The following PRMT8 variants were observed in gnomAD, a reference collection of about 807,000 sequenced individuals.
PRMT8 encodes protein arginine methyltransferase 8.
In PRMT8, 7 loss-of-function variants were observed where a neutral mutation model predicts 47.1. That is an observed-to-expected ratio of 0.15 (90% CI 0.08 to 0.28). The LOEUF (loss-of-function observed/expected upper bound fraction) is 0.28, where lower values mean the gene tolerates loss of function less well. Among genes scored for constraint, PRMT8 ranks in the 10% least tolerant of loss-of-function variants. The probability of loss-of-function intolerance (pLI) is 1.00; values close to 1 mark genes in which losing one functional copy is unlikely to be tolerated. For synonymous variants in PRMT8, 188 were observed against 186.5 expected, an observed-to-expected ratio of 1.01 and a Z score of -0.07; for missense variants, 237 against 505.4, an observed-to-expected ratio of 0.47 and a Z score of 5.09.
At chr12:3,455,981 G>A (rs554533223) in intron 1 of PRMT8, among the ~76,000 whole-genome samples, 2 of 152,156 alleles carry the variant, frequency 1.3e-5, no homozygotes, top group East Asian at 1.9e-4. Flanking sequence ...TTTGCTAGCT[G>A]TGTGACATAG....
At chr12:3,419,565 G>A (rs1203311951) in intron 1 of PRMT8, among the ~76,000 whole-genome samples, 1 of 151,966 alleles carries the variant, frequency 6.6e-6, no homozygotes, top group African/African-American at 2.4e-5. Flanking sequence ...CCTTGCCTAA[G>A]CAATCACCAA....
At chr12:3,389,676 C>T (rs1864173419) in intron 1 of PRMT8, among the ~76,000 whole-genome samples, 1 of 152,230 alleles carries the variant, frequency 6.6e-6, no homozygotes, top group South Asian at 2.1e-4. Context: ...CAACACTCAT[C>T]TACTGCCCTG....
rs567226942 is a variant in PRMT8, at chr12:3,562,732, G to A, written c.482-5974G>A. 7.2e-5 allele frequency among the ~76,000 whole-genome samples: 11 copies of A among 152,216 alleles called. No homozygotes were observed. The South Asian group carries it at 1.7e-3, about 23-fold the overall frequency. On this transcript the variant is annotated intron_variant, in intron 4 of 9. Transcript: ENST00000382622. The stretch of plus-strand genomic sequence containing the variant: ...CGGACATTGGCGGATGCTACAAACC[G>A]GAGCTGTTTTGTTTTCCCTTCTGGA...
At chr12:3,402,093 A>G (rs969537626) in intron 1 of PRMT8, among the ~76,000 whole-genome samples, 1 of 152,114 alleles carries the variant, frequency 6.6e-6, no homozygotes, top group African/African-American at 2.4e-5. Context: ...CTACACAGCT[A>G]CAGTAATTAA....
In PRMT8 at chr12:3,580,627, C is replaced by T. The variant is rs1304311240; in HGVS notation, c.829-2431C>T. 2.0e-5 allele frequency among the ~76,000 whole-genome samples: 3 copies of T among 152,090 alleles called. No homozygotes were observed. The highest frequency in any genetic ancestry group is 7.2e-5 in the African/African-American group (3 of 41,414). On this transcript the variant is annotated intron_variant, in intron 7 of 9. Coordinates refer to ENST00000382622, the MANE Select transcript of PRMT8 (RefSeq NM_019854.5). The surrounding 1 kb of genome is among the most constrained non-coding windows in gnomAD (Gnocchi z 4.6). The stretch of plus-strand genomic sequence containing the variant: ...CAGGACAATGAGGTGTAACTTCTGC[C>T]ACTGAAGGCTTCAGTGTATCGGCCA...
intron 4 of PRMT8, among the ~76,000 whole-genome samples, chr12:3,567,191 G>A (rs886369752): frequency 2.6e-5 from 4 of 152,176 alleles, no homozygotes; most frequent in African/African-American, 9.7e-5. Flanking sequence ...TTAGCTATGG[G>A]CCTGGCACTC....
At chr12:3,542,416 C>T (rs375542089) in intron 2 of PRMT8, among the ~76,000 whole-genome samples, 66 of 152,302 alleles carry the variant, frequency 4.3e-4, no homozygotes, top group African/African-American at 1.6e-3. Flanking sequence ...GCTAGGGATT[C>T]CTGGAGCCCC....
At chr12:3,507,429 G>A (rs1865647827) in intron 1 of PRMT8, among the ~76,000 whole-genome samples, 1 of 152,118 alleles carries the variant, frequency 6.6e-6, no homozygotes, top group African/African-American at 2.4e-5. Context: ...CCAAGTGGTG[G>A]CCTTTCAAGC....
intron 1 of PRMT8, among the ~76,000 whole-genome samples, chr12:3,494,004 A>T (rs1463732948): frequency 6.6e-6 from 1 of 152,236 alleles, no homozygotes; most frequent in Non-Finnish European, 1.5e-5. Flanking sequence ...TCCCTCCAGG[A>T]ACTGGCTGTT....
intron 8 of PRMT8, 28 bp from the exon 9 acceptor site, chr12:3,592,203 C>T (rs1867320671): frequency 9.1e-6 from 14 of 1,539,464 alleles, no homozygotes; most frequent in Non-Finnish European, 1.2e-5. Flanking sequence ...CTCTTTCTTC[C>T]CACCTCCCCT....
chr12:3,542,830 TG>T (rs1866254983), intron 2 of PRMT8, among the ~76,000 whole-genome samples: 1 of 152,232 alleles, frequency 6.6e-6, no homozygotes, highest in South Asian at 2.1e-4. Flanking sequence ...CTTTGGGACT[TG>T]GTGTCCCCAG....
intron 1 of PRMT8, among the ~76,000 whole-genome samples, chr12:3,515,316 A>G (rs1865773805): frequency 6.6e-6 from 1 of 152,176 alleles, no homozygotes; most frequent in African/African-American, 2.4e-5. Flanking sequence ...CCACCTGCTC[A>G]CTGGTGTGGT....
chr12:3,491,954 ACT>A (rs1232387183), intron 1 of PRMT8, among the ~76,000 whole-genome samples: 1 of 140,104 alleles, frequency 7.1e-6, no homozygotes, highest in South Asian at 2.3e-4. Flanking sequence ...CAAAACAGTC[ACT>A]CTCACCCCAT....
chr12:3,470,387 T>C (rs1267065780), intron 1 of PRMT8, among the ~76,000 whole-genome samples: 1 of 152,068 alleles, frequency 6.6e-6, no homozygotes, highest in African/African-American at 2.4e-5. Flanking sequence ...CAGTGCTGAG[T>C]CCAGGTGGAG....
At chr12:3,573,317 A>G (rs7966000) in intron 6 of PRMT8, among the ~76,000 whole-genome samples, 38,968 of 152,048 alleles carry the variant, frequency 0.26, 5,186 homozygotes, top group Middle Eastern at 0.34. Flanking sequence ...TCGATTTCTA[A>G]CATTTCCACT....
intron 1 of PRMT8, among the ~76,000 whole-genome samples, chr12:3,517,265 C>T (rs991165891): frequency 2.6e-5 from 4 of 152,168 alleles, no homozygotes; most frequent in African/African-American, 9.7e-5. Flanking sequence ...GAGTCCATTC[C>T]TTGGGTTTGG....
chr12:3,394,955 G>A (rs1272066577), intron 1 of PRMT8, among the ~76,000 whole-genome samples: 8 of 151,922 alleles, frequency 5.3e-5, no homozygotes, highest in East Asian at 3.8e-4. Context: ...TGTATGTGTC[G>A]AGGAATTTAT....
chr12:3,529,730 T>C (rs1320683249), intron 1 of PRMT8, among the ~76,000 whole-genome samples: 1 of 152,232 alleles, frequency 6.6e-6, no homozygotes, highest in Non-Finnish European at 1.5e-5. Context: ...TGTGATTTTC[T>C]TTCTCTCTTA....
chr12:3,485,181 T>G (rs753391784), intron 1 of PRMT8, among the ~76,000 whole-genome samples: 1 of 152,238 alleles, frequency 6.6e-6, no homozygotes, highest in Non-Finnish European at 1.5e-5. Context: ...ATCTGTTCTC[T>G]GTAAAGACCT....
Sources: allele counts gnomAD v4.1 joint callset (sites outside exome capture counted in the v4.1 genomes callset), GRCh38; gene constraint gnomAD v4.1.1; non-coding constraint Gnocchi (gnomAD v3.1); transcripts MANE v1.5; gene names NCBI Gene and HGNC (gene_info 2026-07-23, HGNC 2026-07-21).